The following TLN1 variants were observed in gnomAD, a reference collection of about 807,000 sequenced individuals.
TLN1 encodes talin-1.
Under a neutral mutation model 292.3 loss-of-function variants are expected in TLN1, and 56 were observed. That is an observed-to-expected ratio of 0.19 (90% CI 0.15 to 0.24). TLN1 has a LOEUF of 0.24. TLN1 is among the 10% of genes least tolerant of loss of function. The pLI, the probability that TLN1 is intolerant of heterozygous loss-of-function variation, is 1.00. For synonymous variants in TLN1, 1,119 were observed against 1,253.7 expected (o/e 0.89, Z 2.27); for missense variants, 2,433 against 3,248.2 (o/e 0.75, Z 6.10).
At chr9:35,725,760 T>C (rs1825965149) in intron 1 of TLN1, 33 bp from the exon 2 acceptor site, 1 of 1,576,998 alleles carries the variant, frequency 6.3e-7, no homozygotes, top group African/African-American at 1.3e-5. Context: ...TAGAATACAC[T>C]CTTCTGGTGG....
intron 48 of TLN1, among the ~76,000 whole-genome samples, chr9:35,701,099 C>A (rs1825458541): frequency 6.6e-6 from 1 of 152,108 alleles, no homozygotes; most frequent in African/African-American, 2.4e-5. Context: ...GCCTGATGAA[C>A]TGGAAGGAGC....
rs766871894 is a variant in TLN1, at chr9:35,698,182, G to A, written c.7372-10C>T. 2 of 1,613,874 alleles carry A rather than the reference G, an allele frequency of 1.2e-6. No homozygotes were observed. The highest frequency in any genetic ancestry group is 2.2e-5 in the East Asian group (1 of 44,890). ...CTGCGTTGCCAGCAGCCTGGGCAGA[G>A]AGAAAGTGGCCTAGGTTGAGAACTC... is the stretch of plus-strand genomic sequence containing the variant. On this transcript the variant is annotated splice_polypyrimidine_tract_variant and intron_variant, in intron 55 of 56. Coordinates refer to ENST00000314888, the MANE Select transcript of TLN1 (RefSeq NM_006289.4). This position sits in a 1 kb window ranked among gnomAD's most constrained non-coding sequence, Gnocchi z 5.3.
intron 1 of TLN1, among the ~76,000 whole-genome samples, chr9:35,728,005 T>A (rs1229660742): frequency 5.3e-5 from 8 of 152,120 alleles, no homozygotes; most frequent in Admixed American, 5.2e-4. Context: ...CATTCCTCCT[T>A]TGGCCTGAGA....
Position 35,714,555 on chromosome 9 carries a change from T to C in TLN1, c.2985+19A>G, listed in dbSNP as rs1182459919. 2 of 1,605,410 alleles carry C rather than the reference T, an allele frequency of 1.2e-6. No homozygotes were observed. The highest frequency in any genetic ancestry group is 1.7e-6 in the Non-Finnish European group (2 of 1,179,604). ...AGGTGGGAAGGTCAGGTCAGAGAAG[T>C]GCAGAGGGGGTGCCTTGCCTGCAGG... On this transcript the variant is annotated intron_variant, in intron 23 of 56. Transcript: ENST00000314888. The surrounding 1 kb of genome is among the most constrained non-coding windows in gnomAD (Gnocchi z 4.6).
At position 35,717,042 on chromosome 9, in the gene TLN1, T is replaced by C; in HGVS notation, c.2458+104A>G. The C allele has an allele frequency of 7.4e-7, 1 of 1,347,176 alleles. No individual in the cohort carries two copies. Among genetic ancestry groups the C allele is most frequent in the Non-Finnish European group, 1.0e-6 (1 of 989,672 alleles). 83.5% of individuals were successfully genotyped at this position (1,347,176 alleles called of 1,614,324 possible). ...TGTGGCTGGCAAGCCCACACTGTGC[T>C]GAGTTCCTTGGGGTGAAGTGGTTAG... On this transcript the variant is annotated intron_variant, in intron 19 of 56. Coordinates refer to ENST00000314888, the MANE Select transcript of TLN1 (RefSeq NM_006289.4). The surrounding 1 kb of genome is among the most constrained non-coding windows in gnomAD (Gnocchi z 4.7).
At chr9:35,727,452 T>C (rs1371524421) in intron 1 of TLN1, among the ~76,000 whole-genome samples, 2 of 152,164 alleles carry the variant, frequency 1.3e-5, no homozygotes, top group East Asian at 1.9e-4. Context: ...AAGTGGCAGA[T>C]AGACCATTTC....
intron 10 of TLN1, 137 bp from the exon 11 acceptor site, chr9:35,721,050 C>T (rs1364448227): frequency 4.9e-6 from 3 of 609,264 alleles, no homozygotes; most frequent in Non-Finnish European, 5.8e-6. Flanking sequence ...GCCCACCTTT[C>T]TTGAACCTCC....
chr9:35,715,535 C>T lies in TLN1; in HGVS notation c.2626-348G>A, dbSNP rs547425317. Among the ~76,000 whole-genome samples, 4 of 152,326 alleles carry T rather than the reference C, an allele frequency of 2.6e-5. No individual in the cohort carries two copies. In the South Asian group the frequency reaches 8.3e-4, roughly 32 times the overall value. ...TCTCAGGAATACCAAAGCAGGGGAC[C>T]TGCTTACTCCTGCCAACTGAAAAGC... On this transcript the variant is annotated intron_variant, in intron 20 of 56. Transcript: ENST00000314888.
intron 33 of TLN1, among the ~76,000 whole-genome samples, chr9:35,709,290 T>A (rs1225417834): frequency 6.6e-6 from 1 of 151,908 alleles, no homozygotes; most frequent in African/African-American, 2.4e-5. Flanking sequence ...CGAGACTCCG[T>A]CTCAAAAAAC....
rs1825571305 is a variant in TLN1 at position 35,706,705 on chromosome 9, C to T, written c.5088+63G>A. ...AAGAAGCCACTCCTTGATCCCCCAG[C>T]TTCTTTGAGTCTGATATTTCTCTTC... On this transcript the variant is annotated intron_variant, in intron 38 of 56. Transcript: ENST00000314888. The surrounding 1 kb of genome is among the most constrained non-coding windows in gnomAD (Gnocchi z 4.2). 2 of 1,593,914 alleles carry T rather than the reference C, an allele frequency of 1.3e-6. No homozygotes were observed. Among genetic ancestry groups the T allele is most frequent in the Non-Finnish European group, 1.7e-6 (2 of 1,170,120 alleles).
intron 2 of TLN1, 66 bp from the exon 3 acceptor site, chr9:35,725,387 T>C (rs747596283): frequency 6.4e-7 from 1 of 1,562,968 alleles, no homozygotes. Flanking sequence ...GCTTGTACCA[T>C]GTTGCCCCTG....
chr9:35,727,658 C>T (rs1041063423), intron 1 of TLN1, among the ~76,000 whole-genome samples: 13 of 152,238 alleles, frequency 8.5e-5, no homozygotes, highest in African/African-American at 3.1e-4. Context: ...GGTTGCTGAC[C>T]ATGAAAGAAT....
rs1825537237 is a variant in TLN1, at chr9:35,704,931, C to T, written c.5734-116G>A. 3 of 1,274,054 alleles carry T rather than the reference C, an allele frequency of 2.4e-6. No individual in the cohort carries two copies. The highest frequency in any genetic ancestry group is 3.0e-5 in the African/African-American group (2 of 66,768). The allele number at this position is 1,274,054 out of a possible 1,614,324, so 78.9% of individuals were successfully genotyped here. The stretch of plus-strand genomic sequence containing the variant: ...AAACATGCATTGTAGACTAAAGAAG[C>T]AGAGAGAGAAGGTTCCCAGCACAAG... On this transcript the variant is annotated intron_variant, in intron 43 of 56. Transcript: ENST00000314888. The surrounding 1 kb of genome is among the most constrained non-coding windows in gnomAD (Gnocchi z 6.9).
chr9:35,726,212 C>T (rs1004114167), intron 1 of TLN1, among the ~76,000 whole-genome samples: 2 of 152,142 alleles, frequency 1.3e-5, no homozygotes, highest in South Asian at 4.1e-4. Context: ...CCGGCCAAGT[C>T]CTAACAATTT....
chr9:35,720,306 G>T (rs1254757758), intron 12 of TLN1, 87 bp from the exon 13 acceptor site: 5 of 1,534,714 alleles, frequency 3.3e-6, no homozygotes, highest in Non-Finnish European at 4.4e-6. Context: ...AGGTGTGTGA[G>T]GTCTCACTAC....
Position 35,719,842 on chromosome 9 carries a change from C to T in TLN1, c.1476G>A (p.Gln492=). The T allele has an allele frequency of 1.3e-6, 2 of 1,586,286 alleles. No homozygotes were observed. The highest frequency in any genetic ancestry group is 1.8e-5 in the Admixed American group (1 of 54,638). Residue 492 remains glutamine, a synonymous_variant, in exon 14 of 57, where the codon CAG becomes CAA. Transcript: ENST00000314888. This position sits in a 1 kb window ranked among gnomAD's most constrained non-coding sequence, Gnocchi z 4.6. ...AGTTAATGGTTCCAGTGAGTGCCTGCTGGGCTGAAGTCTAAAGACAAGTGG... is the reference window on the plus strand; with the variant it reads ...AGTTAATGGTTCCAGTGAGTGCCTGTTGGGCTGAAGTCTAAAGACAAGTGG... The part of the protein sequence containing the change: ...RGHMPPLTSA[Q]QALTGTINSS...
intron 48 of TLN1, 88 bp downstream of exon 48, chr9:35,703,472 G>C (rs1825504216): frequency 8.1e-7 from 1 of 1,235,986 alleles, no homozygotes; most frequent in Non-Finnish European, 1.2e-6. Context: ...TGTGACTCCA[G>C]CTGTGAGTAT....
chr9:35,724,755 AG>A lies in TLN1; in HGVS notation c.359-32del. The A allele has an allele frequency of 6.2e-7, 1 of 1,613,906 alleles. No individual in the cohort carries two copies. Among genetic ancestry groups the A allele is most frequent in the South Asian group, 1.1e-5 (1 of 91,072 alleles). On this transcript the variant is annotated intron_variant, in intron 4 of 56. Transcript: ENST00000314888. This position sits in a 1 kb window ranked among gnomAD's most constrained non-coding sequence, Gnocchi z 4.7. ...GAAGGAGATGGCTTGTTAGCTTCCC[AG>A]GTACTGCATCCATGCCTTTTGAGAG...
chr9:35,716,315 G>C, intron 20 of TLN1, 75 bp downstream of exon 20: 1 of 1,546,230 alleles, frequency 6.5e-7, no homozygotes, highest in Non-Finnish European at 8.8e-7. Flanking sequence ...TCCCTCATCA[G>C]ATGAGGGTGA....
Sources: gnomAD v4.1 joint callset for allele counts (sites outside exome capture counted in the v4.1 genomes callset) on GRCh38, gnomAD v4.1.1 for gene constraint, Gnocchi (gnomAD v3.1) non-coding constraint, MANE v1.5 for transcripts, NCBI Gene and HGNC (gene_info 2026-07-23, HGNC 2026-07-21) for gene names.